The following IGF1R variants were observed in gnomAD, a reference collection of about 807,000 sequenced individuals.
IGF1R encodes the protein insulin-like growth factor 1 receptor.
IGF1R carries 44 observed loss-of-function variants against 144.6 expected under a neutral mutation model. The observed-to-expected ratio is 0.30, with a 90% confidence interval of 0.24 to 0.39. The LOEUF (loss-of-function observed/expected upper bound fraction) is 0.39. Ranked by LOEUF, IGF1R falls within the 10% of genes least tolerant of loss-of-function variation. IGF1R has a pLI of 1.00. For synonymous variants in IGF1R, 795 were observed against 722.8 expected (o/e 1.10, Z -1.60); for missense variants, 1,355 against 1,833.7 (o/e 0.74, Z 4.77).
chr15:98,954,521 C>G (rs2016902864), intron 20 of IGF1R: 1 of 152,074 alleles, frequency 6.6e-6, no homozygotes, highest in Non-Finnish European at 1.5e-5. Context: ...TCCCACAGAG[C>G]AAAAAAGACT....
At chr15:98,745,059 C>T (rs1238332806) in intron 2 of IGF1R, among the ~76,000 whole-genome samples, 1 of 152,124 alleles carries the variant, frequency 6.6e-6, no homozygotes. Flanking sequence ...TAGAATTGAA[C>T]ATGAACTTCA....
chr15:98,898,149 T>C (rs2014298269), intron 4 of IGF1R, among the ~76,000 whole-genome samples: 1 of 152,216 alleles, frequency 6.6e-6, no homozygotes, highest in Non-Finnish European at 1.5e-5. Context: ...AACTAGGGCT[T>C]GCCCACTCTC....
At chr15:98,820,943 A>G in intron 2 of IGF1R, 1 of 152,178 alleles carries the variant, frequency 6.6e-6, no homozygotes, top group East Asian at 1.9e-4. Context: ...TTCACTTGGT[A>G]TGTGAACACA....
At chr15:98,749,997 ATCCTTTCTTCT>A (rs1018665452) in intron 2 of IGF1R, among the ~76,000 whole-genome samples, 17 of 151,972 alleles carry the variant, frequency 1.1e-4, no homozygotes, top group Non-Finnish European at 1.8e-4. Context: ...CAGAAGGACC[ATCCTTTCTTCT>A]TCCTTTTCCT....
chr15:98,898,970 C>G (rs1254338380), intron 4 of IGF1R, among the ~76,000 whole-genome samples: 2 of 152,038 alleles, frequency 1.3e-5, no homozygotes, highest in Non-Finnish European at 2.9e-5. Context: ...CATAGATAGC[C>G]ATTGTTAACA....
intron 2 of IGF1R, among the ~76,000 whole-genome samples, chr15:98,720,064 T>G (rs1305813989): frequency 2.6e-5 from 4 of 152,228 alleles, no homozygotes; most frequent in African/African-American, 9.7e-5. Context: ...TTATACATAG[T>G]GCATTTGAAA....
At chr15:98,905,034 G>A (rs1032546942) in intron 5 of IGF1R, among the ~76,000 whole-genome samples, 1 of 152,230 alleles carries the variant, frequency 6.6e-6, no homozygotes, top group African/African-American at 2.4e-5. Flanking sequence ...AGAGACTCCA[G>A]CCTGGGAGAG....
intron 1 of IGF1R, among the ~76,000 whole-genome samples, chr15:98,667,246 A>G (rs2052766242): frequency 6.6e-6 from 1 of 152,046 alleles, no homozygotes; most frequent in Non-Finnish European, 1.5e-5. Context: ...TTGCTTTTTC[A>G]TTTTCTTATT....
chr15:98,669,985 G>A (rs1317223078), intron 1 of IGF1R, among the ~76,000 whole-genome samples: 1 of 152,204 alleles, frequency 6.6e-6, no homozygotes, highest in Non-Finnish European at 1.5e-5. Context: ...GGCAGATGAG[G>A]TAGATCGGGG....
intron 13 of IGF1R, among the ~76,000 whole-genome samples, chr15:98,926,260 C>G (rs559219135): frequency 5.9e-5 from 9 of 152,218 alleles, no homozygotes; most frequent in African/African-American, 1.9e-4. Context: ...AATGCGGAAT[C>G]TAAGAAGTTA....
chr15:98,940,430 T>A (rs563360721), intron 18 of IGF1R, among the ~76,000 whole-genome samples: 17 of 152,150 alleles, frequency 1.1e-4, no homozygotes, highest in African/African-American at 3.1e-4. Flanking sequence ...TGAGACAGAG[T>A]TTTGCTCTTG....
intron 2 of IGF1R, among the ~76,000 whole-genome samples, chr15:98,865,372 A>C (rs1220448053): frequency 6.6e-6 from 1 of 152,250 alleles, no homozygotes; most frequent in East Asian, 1.9e-4. Context: ...TTGCAGGTAC[A>C]GGCGTGGATC....
At chr15:98,921,706 C>G (rs1282989393) in intron 10 of IGF1R, among the ~76,000 whole-genome samples, 2 of 152,162 alleles carry the variant, frequency 1.3e-5, no homozygotes, top group African/African-American at 4.8e-5. Context: ...ATCCCTCTGC[C>G]CCAGGTCTCT....
intron 1 of IGF1R, among the ~76,000 whole-genome samples, chr15:98,652,024 A>G (rs770616972): frequency 7.9e-5 from 12 of 152,132 alleles, no homozygotes; most frequent in Non-Finnish European, 1.6e-4. Context: ...TGGTGGAGAA[A>G]TAAAGACAGG....
chr15:98,667,016 C>T (rs567636236), intron 1 of IGF1R, among the ~76,000 whole-genome samples: 18 of 152,046 alleles, frequency 1.2e-4, no homozygotes, highest in East Asian at 1.2e-3. Context: ...CATGGCGGTC[C>T]TAGGTACCAC....
At chr15:98,817,040 C>G (rs574714842) in intron 2 of IGF1R, among the ~76,000 whole-genome samples, 49 of 152,342 alleles carry the variant, frequency 3.2e-4, no homozygotes, top group Non-Finnish European at 5.7e-4. Flanking sequence ...TGGTGGCTCA[C>G]ACCTGTAATC....
intron 2 of IGF1R, among the ~76,000 whole-genome samples, chr15:98,727,465 A>G (rs1258945196): frequency 1.3e-5 from 2 of 152,028 alleles, no homozygotes; most frequent in African/African-American, 4.8e-5. Flanking sequence ...CAAACAACCG[A>G]CTTTTACTGG....
In IGF1R at chr15:98,803,045, A is replaced by G. The variant is rs2056394490; in HGVS notation, c.641-88280A>G. On this transcript the variant is annotated intron_variant, in intron 2 of 20. Transcript: ENST00000650285. ...GGATTCAGTAACATGAAGGTAATTA[A>G]AAATGTACAGATCTCAGTAATAGAC... is the stretch of plus-strand genomic sequence containing the variant. 2.0e-5 allele frequency among the ~76,000 whole-genome samples: 3 copies of G among 152,352 alleles called. 1 individual carries two copies. Among genetic ancestry groups the G allele is most frequent in the Middle Eastern group, 6.8e-3 (2 of 294 alleles).
chr15:98,878,522 TC>T (rs1166712700), intron 2 of IGF1R, among the ~76,000 whole-genome samples: 1 of 151,922 alleles, frequency 6.6e-6, no homozygotes, highest in African/African-American at 2.4e-5. Context: ...TTCCACCCTG[TC>T]CATTTAAGCA....
Sources: gnomAD v4.1 joint callset for allele counts (sites outside exome capture counted in the v4.1 genomes callset) on GRCh38, gnomAD v4.1.1 for gene constraint, MANE v1.5 for transcripts, NCBI Gene and HGNC (gene_info 2026-07-23, HGNC 2026-07-21) for gene names.